ASNSD1: variants seen among roughly 807,000 people sequenced by gnomAD.
The protein encoded by ASNSD1 is asparagine synthetase domain containing 1, also known as asparagine synthetase domain-containing protein 1.
In ASNSD1, 36 loss-of-function variants were observed where a neutral mutation model predicts 48.3. The observed-to-expected ratio is 0.75, with a 90% CI of 0.57 to 0.99. The LOEUF is 0.99. Ranked by LOEUF, ASNSD1 falls within the 50% of genes least tolerant of loss-of-function variation. The pLI is 0.00. For synonymous variants in ASNSD1, 257 were observed against 262.1 expected, an observed-to-expected ratio of 0.98 and a Z score of 0.19; for missense variants, 714 against 758.2, an observed-to-expected ratio of 0.94 and a Z score of 0.69.
Position 189,670,537 on chromosome 2 carries a change from A to T in ASNSD1, c.1743A>T (p.Lys581Asn). The change falls in exon 6 of 6, where the codon AAA (lysine) becomes AAT (asparagine). Residue 581 changes from lysine to asparagine, a missense_variant. Coordinates refer to ENST00000260952, the MANE Select transcript of ASNSD1 (RefSeq NM_019048.4). ...CTTTACCCCGAGGAATTGGTGAAAA[A>T]TTACTTTTACGCCTTGCAGCTGTGG... ...NLTLPRGIGEKLLLRLAAVEL... is the reference protein window; with the variant it reads ...NLTLPRGIGENLLLRLAAVEL... The T allele has an allele frequency of 6.2e-7, 1 of 1,614,140 alleles. No homozygotes were observed. The highest frequency in any genetic ancestry group is 8.5e-7 in the Non-Finnish European group (1 of 1,179,990).
Position 189,670,652 on chromosome 2 carries a change from G to A in ASNSD1, c.1858G>A (p.Ala620Thr), listed in dbSNP as rs554892022. 21 of 1,613,824 alleles carry A rather than the reference G, an allele frequency of 1.3e-5. No homozygotes were observed. In the East Asian group the frequency reaches 4.5e-4, roughly 34 times the overall value. ...AAAAATGGAAAAAATTAATGAAAAG[G>A]CATCTGATAAATGTGGACGGCTCCA... ...IAKMEKINEK[A>T]SDKCGRLQIM... Residue 620 changes from alanine (A) to threonine (T), a missense_variant, in exon 6 of 6, where the codon GCA becomes ACA. By Grantham distance (58) the Ala-to-Thr change is moderately conservative. Transcript: ENST00000260952.
intron 1 of ASNSD1, among the ~76,000 whole-genome samples, chr2:189,662,948 CAAAAAA>C (rs67898532): frequency 1.3e-5 from 1 of 77,004 alleles, no homozygotes; most frequent in African/African-American, 5.1e-5. Context: ...GACCCTGTTT[CAAAAAA>C]AAAAAAAAAA....
chr2:189,663,992 GTTTA>G, intron 2 of ASNSD1, 38 bp downstream of exon 2: 1 of 380,088 alleles, frequency 2.6e-6, no homozygotes, highest in Non-Finnish European at 4.7e-6. Context: ...TATGTGGGAG[GTTTA>G]TTTATGTTAA....
intron 3 of ASNSD1, 72 bp downstream of exon 3, chr2:189,665,523 C>G (rs1378899391): frequency 2.7e-6 from 1 of 366,290 alleles, no homozygotes; most frequent in African/African-American, 2.2e-5. Flanking sequence ...AAATATATAT[C>G]TAAAGATTAA....
Position 189,666,384 on chromosome 2 carries a change from G to T in ASNSD1, c.252G>T (p.Lys84Asn). Residue 84 changes from lysine to asparagine, a missense_variant, in exon 4 of 6, where the codon AAG (lysine) becomes AAT (asparagine). Coordinates refer to ENST00000260952, the MANE Select transcript of ASNSD1 (RefSeq NM_019048.4). ...ATGGAGAAATTTTTAGTGGAATAAA[G>T]GTTGAAGCTGAAGAGAATGACACTC... ...LWNGEIFSGI[K>N]VEAEENDTQI... The T allele has an allele frequency of 1.2e-6, 2 of 1,613,974 alleles. No individual in the cohort carries two copies. Among genetic ancestry groups the T allele is most frequent in the South Asian group, 2.2e-5 (2 of 91,054 alleles).
chr2:189,665,285 A>T (rs996112699), intron 2 of ASNSD1, 91 bp from the exon 3 acceptor site: 1 of 374,744 alleles, frequency 2.7e-6, no homozygotes, highest in Admixed American at 4.5e-5. Flanking sequence ...TACTGAATAG[A>T]TTTTCAAGAA....
At position 189,666,109 on chromosome 2, in the gene ASNSD1, T is replaced by G. The variant is rs184060419; in HGVS notation, c.-24T>G. ...CTTAGACAAGACCAAAATCAAGAAA[T>G]AGTCAACCTGATTTCACATAACAAT... On this transcript the variant is annotated 5_prime_UTR_variant, in exon 4 of 6. It removes the in-frame stop codon of an upstream open reading frame in the 5' UTR. Coordinates refer to ENST00000260952, the MANE Select transcript of ASNSD1 (RefSeq NM_019048.4). 2 of 1,501,120 alleles carry G rather than the reference T, an allele frequency of 1.3e-6. No individual in the cohort carries two copies. The highest frequency in any genetic ancestry group is 1.8e-6 in the Non-Finnish European group (2 of 1,128,814). 93.0% of individuals were successfully genotyped at this position (1,501,120 alleles called of 1,614,324 possible).
At chr2:189,662,361 A>G (rs957154780) in intron 1 of ASNSD1, among the ~76,000 whole-genome samples, 5 of 152,254 alleles carry the variant, frequency 3.3e-5, no homozygotes, top group African/African-American at 1.2e-4. Context: ...TTACAATGAC[A>G]TCTTGGGCAA....
Position 189,666,647 on chromosome 2 carries a change from A to G in ASNSD1, c.515A>G (p.Glu172Gly). ...QTSGLANQWQ[E>G]VPASGLFRID... The stretch of plus-strand genomic sequence containing the variant: ...TCTGGATTGGCAAATCAGTGGCAAG[A>G]AGTTCCAGCATCTGGACTTTTCAGA... Residue 172 changes from glutamate (E) to glycine (G), a missense_variant, in exon 4 of 6, where the codon GAA (glutamate) becomes GGA (glycine). Glu to Gly is a moderately conservative substitution (Grantham distance 98). Coordinates refer to ENST00000260952, the MANE Select transcript of ASNSD1 (RefSeq NM_019048.4). 6.2e-7 allele frequency: 1 copy of G among 1,614,176 alleles called. No individual in the cohort carries two copies. The highest frequency in any genetic ancestry group is 2.2e-5 in the East Asian group (1 of 44,880).
In ASNSD1 at chr2:189,665,626, A is replaced by ATG. The variant is rs2032780754; in HGVS notation, c.-93+176_-93+177insGT. Reference sequence around the variant, plus strand: ...TATATATATATATATATATATATATATATATATATATATATATATATTATA... The same window carrying ATG: ...TATATATATATATATATATATATATATGTATATATATATATATATATATTATA... On this transcript the variant is annotated intron_variant, in intron 3 of 5. Transcript: ENST00000260952. Among the ~76,000 whole-genome samples, 10 of 122,448 alleles carry ATG rather than the reference A, an allele frequency of 8.2e-5. 1 individual carries two copies. The highest frequency in any genetic ancestry group is 3.3e-4 in the African/African-American group (10 of 30,590). The allele number at this position is 122,448 out of a possible 152,430, so 80.3% of individuals were successfully genotyped here.
chr2:189,662,910 C>G (rs1032909935), intron 1 of ASNSD1, among the ~76,000 whole-genome samples: 7 of 140,522 alleles, frequency 5.0e-5, no homozygotes, highest in African/African-American at 1.6e-4. Context: ...GATCGCACCA[C>G]TGCACTCCAG....
Position 189,670,818 on chromosome 2 carries a change from AGTTTT to A in ASNSD1, c.*93_*97del. Reference sequence around the variant, plus strand: ...CTGCTTTACTATTGTATAACATAGTAGTTTTAAAGTTCATTTGGTTGAATTTTCAT... The same window carrying A: ...CTGCTTTACTATTGTATAACATAGTAAAAGTTCATTTGGTTGAATTTTCAT... On this transcript the variant is annotated 3_prime_UTR_variant, in exon 6 of 6. Transcript: ENST00000260952. 1.1e-6 allele frequency: 1 copy of A among 913,938 alleles called. No homozygotes were observed. Among genetic ancestry groups the A allele is most frequent in the Admixed American group, 3.9e-5 (1 of 25,650 alleles). The allele number at this position is 913,938 out of a possible 1,614,324, so 56.6% of individuals were successfully genotyped here. A position where few individuals can be genotyped will look rare whatever the true frequency, so the allele number is the denominator to read the frequency against.
At chr2:189,663,726 C>A (rs550484778) in intron 1 of ASNSD1, among the ~76,000 whole-genome samples, 175 bp from the exon 2 acceptor site, 2 of 152,270 alleles carry the variant, frequency 1.3e-5, no homozygotes, top group East Asian at 3.9e-4. Flanking sequence ...GAACTGTACC[C>A]CCACACAGAG....
In ASNSD1 at chr2:189,663,657, A is replaced by G. The variant is rs143982416; in HGVS notation, c.-222-244A>G. Among the ~76,000 whole-genome samples, 256 of 152,332 alleles carry G rather than the reference A, an allele frequency of 1.7e-3. 2 individuals carry two copies. The highest frequency in any genetic ancestry group is 6.0e-3 in the African/African-American group (249 of 41,578). On this transcript the variant is annotated intron_variant, in intron 1 of 5. Transcript: ENST00000260952. ...AACACGAAAATCCCTGTCTGGTCTT[A>G]ATGGGTTACCTAACATTTTGCAAGT...
chr2:189,661,806 T>C (rs2032671432), intron 1 of ASNSD1, among the ~76,000 whole-genome samples, 196 bp downstream of exon 1: 1 of 152,210 alleles, frequency 6.6e-6, no homozygotes, highest in African/African-American at 2.4e-5. Context: ...AAAAGGGAGA[T>C]CTTGAAATTT....
Position 189,665,377 on chromosome 2 carries a change from A to G in ASNSD1, c.-167A>G. The G allele has an allele frequency of 2.5e-6, 1 of 397,210 alleles. No homozygotes were observed. Among genetic ancestry groups the G allele is most frequent in the Non-Finnish European group, 4.4e-6 (1 of 225,198 alleles). The allele number at this position is 397,210 out of a possible 1,614,324, so 24.6% of individuals were successfully genotyped here. ...ATTAGCCTAAATTATGTTTTCCAGA[A>G]AGTATATAGGCAACAACAGAACAGC... is the stretch of plus-strand genomic sequence containing the variant. On this transcript the variant is annotated splice_region_variant and 5_prime_UTR_variant, in exon 3 of 6. Transcript: ENST00000260952.
chr2:189,666,056 T>C lies in ASNSD1; in HGVS notation c.-77T>C. On this transcript the variant is annotated 5_prime_UTR_variant, in exon 4 of 6. It removes the in-frame stop codon of an upstream open reading frame in the 5' UTR. Transcript: ENST00000260952. ...CCTGCAACAGATATATTGGATGAACTGAAAAAAGAATACCAAGAAATAGAA... is the reference window on the plus strand; with the variant it reads ...CCTGCAACAGATATATTGGATGAACCGAAAAAAGAATACCAAGAAATAGAA... The C allele has an allele frequency of 7.0e-7, 1 of 1,434,764 alleles. No individual in the cohort carries two copies. Among genetic ancestry groups the C allele is most frequent in the Non-Finnish European group, 9.3e-7 (1 of 1,074,208 alleles). The allele number at this position is 1,434,764 out of a possible 1,614,324, so 88.9% of individuals were successfully genotyped here. A position where few individuals can be genotyped will look rare whatever the true frequency, so the allele number is the denominator to read the frequency against.
At position 189,666,922 on chromosome 2, in the gene ASNSD1, C is replaced by T. The variant is rs1331363431; in HGVS notation, c.790C>T (p.Pro264Ser). 5 of 1,613,940 alleles carry T rather than the reference C, an allele frequency of 3.1e-6. No homozygotes were observed. Among genetic ancestry groups the T allele is most frequent in the Admixed American group, 3.3e-5 (2 of 60,014 alleles). ...TCATTGCAGTAATATTTCCAATGTG[C>T]CACCTACAAGAGAGATACTTCAAGT... ...ETHCSNISNV[P>S]PTREILQVFL... The change falls in exon 4 of 6, where the codon CCA becomes TCA. Residue 264 changes from proline to serine, a missense_variant. Coordinates refer to ENST00000260952, the MANE Select transcript of ASNSD1 (RefSeq NM_019048.4).
chr2:189,668,764 A>G (rs967110925), intron 5 of ASNSD1, among the ~76,000 whole-genome samples: 2 of 152,236 alleles, frequency 1.3e-5, no homozygotes, highest in Admixed American at 1.3e-4. Flanking sequence ...TACATATTGC[A>G]GATTACCTAA....
Sources: allele counts gnomAD v4.1 joint callset (sites outside exome capture counted in the v4.1 genomes callset), GRCh38; gene constraint gnomAD v4.1.1; transcripts MANE v1.5; gene names NCBI Gene and HGNC (gene_info 2026-07-23, HGNC 2026-07-21).